The following CMC2 variants were observed in gnomAD, a reference collection of about 807,000 sequenced individuals.
CMC2 encodes C-X9-C motif containing 2.
Under a neutral mutation model 7.5 loss-of-function variants are expected in CMC2, and 5 were observed. That is an observed-to-expected ratio of 0.66 (90% CI 0.35 to 1.40). CMC2 has a LOEUF of 1.40. CMC2 is among the 40% of genes most tolerant of loss of function. The pLI, the probability that CMC2 is intolerant of heterozygous loss-of-function variation, is 0.04. For missense variants in CMC2, 115 were observed against 92.3 expected (o/e 1.25, Z -1.01); for synonymous variants, 37 against 31.4 (o/e 1.18, Z -0.60).
chr16:80,986,888 G>C (rs1967584253), intron 2 of CMC2, among the ~76,000 whole-genome samples: 1 of 152,236 alleles, frequency 6.6e-6, no homozygotes, highest in Admixed American at 6.5e-5. Context: ...ATACAGATTT[G>C]GGAGTTACTG....
intron 2 of CMC2, among the ~76,000 whole-genome samples, chr16:80,987,133 G>C (rs1274740929): frequency 6.6e-6 from 1 of 152,194 alleles, no homozygotes; most frequent in Non-Finnish European, 1.5e-5. Context: ...TGGGACCCTA[G>C]TGAGGGTAGA....
At chr16:80,990,106 C>CT (rs201685838) in intron 2 of CMC2, among the ~76,000 whole-genome samples, 1 of 76,026 alleles carries the variant, frequency 1.3e-5, no homozygotes, top group Admixed American at 1.3e-4. Flanking sequence ...CATTCCCTCC[C>CT]CTTTTTTTGA....
chr16:80,998,940 A>G (rs1968636276), intron 1 of CMC2: 3 of 88,760 alleles, frequency 3.4e-5, no homozygotes. Flanking sequence ...ACTGAAGAAC[A>G]TACCTCAAAA....
At chr16:80,988,774 G>A (rs756271888) in intron 2 of CMC2, among the ~76,000 whole-genome samples, 11 of 151,532 alleles carry the variant, frequency 7.3e-5, no homozygotes, top group Non-Finnish European at 1.2e-4. Context: ...ATCCAGGATT[G>A]CCATTGCATT....
Position 80,969,435 on chromosome 16 carries a change from G to C in CMC2, c.*6658C>G, listed in dbSNP as rs554902075. On this transcript the variant is annotated 3_prime_UTR_variant, in exon 4 of 4. Coordinates refer to ENST00000219400, the MANE Select transcript of CMC2 (RefSeq NM_020188.5). ...ACTGGGAAGGTTCTTGCCCACTTCA[G>C]TAAATGGGGCCCACAGGAAGGTCTG... The C allele has an allele frequency of 4.6e-5, 7 of 152,394 alleles. No individual in the cohort carries two copies. Among genetic ancestry groups the C allele is most frequent in the Non-Finnish European group, 7.3e-5 (5 of 68,080 alleles). 9.4% of individuals were successfully genotyped at this position (152,394 alleles called of 1,614,324 possible). A position where few individuals can be genotyped will look rare whatever the true frequency, so the allele number is the denominator to read the frequency against.
At chr16:80,979,779 C>T (rs1966979685) in intron 3 of CMC2, among the ~76,000 whole-genome samples, 1 of 151,284 alleles carries the variant, frequency 6.6e-6, no homozygotes, top group South Asian at 2.1e-4. Flanking sequence ...CGCCACCATG[C>T]CTGGCTAATT....
chr16:80,992,800 T>C (rs1032768242), intron 2 of CMC2, among the ~76,000 whole-genome samples: 1 of 151,260 alleles, frequency 6.6e-6, no homozygotes, highest in Non-Finnish European at 1.5e-5. Context: ...TAAGTGATCC[T>C]ACTACCTCAA....
chr16:81,001,536 T>C (rs569660560), intron 1 of CMC2, among the ~76,000 whole-genome samples: 7 of 152,264 alleles, frequency 4.6e-5, no homozygotes, highest in African/African-American at 1.2e-4. Context: ...ATTATGGAGA[T>C]GGACGGTGGT....
Position 80,969,181 on chromosome 16 carries a change from G to A in CMC2, c.*6912C>T, listed in dbSNP as rs1160327787. 6.6e-6 allele frequency: 1 copy of A among 152,182 alleles called. No homozygotes were observed. Among genetic ancestry groups the A allele is most frequent in the African/African-American group, 2.4e-5 (1 of 41,430 alleles). 9.4% of individuals were successfully genotyped at this position (152,182 alleles called of 1,614,324 possible). A position where few individuals can be genotyped will look rare whatever the true frequency, so the allele number is the denominator to read the frequency against. On this transcript the variant is annotated 3_prime_UTR_variant, in exon 4 of 4. Coordinates refer to ENST00000219400, the MANE Select transcript of CMC2 (RefSeq NM_020188.5). Reference sequence around the variant, plus strand: ...TATAAAAAGGGCAGGAGGAGAGACAGTATTTACAACAAAATTAGGTTAAAA... The same window carrying A: ...TATAAAAAGGGCAGGAGGAGAGACAATATTTACAACAAAATTAGGTTAAAA...
rs7185564 is a variant in CMC2, at chr16:80,967,582, G to A, written c.*8511C>T. The A allele has an allele frequency of 0.15, 23,224 of 152,112 alleles. 2,145 individuals carry two copies. Among genetic ancestry groups the A allele is most frequent in the African/African-American group, 0.27 (11,272 of 41,458 alleles). 9.4% of individuals were successfully genotyped at this position (152,112 alleles called of 1,614,324 possible). A position where few individuals can be genotyped will look rare whatever the true frequency, so the allele number is the denominator to read the frequency against. ...TCTCGATCTCCTGACCTCGTGATCC[G>A]CCCGCCTCGGCCTCCCAAAGTGCTG... On this transcript the variant is annotated 3_prime_UTR_variant, in exon 4 of 4. Coordinates refer to ENST00000219400, the MANE Select transcript of CMC2 (RefSeq NM_020188.5).
chr16:80,994,428 G>A (rs1968245681), intron 2 of CMC2, among the ~76,000 whole-genome samples: 1 of 8,412 alleles, frequency 1.2e-4, no homozygotes, highest in South Asian at 0.019. Flanking sequence ...CATCCTAAAG[G>A]AAGTAAAAAA....
rs1281621412 is a variant in CMC2, at chr16:80,966,844, T to C, written c.*9249A>G. 6.6e-6 allele frequency: 1 copy of C among 152,208 alleles called. No homozygotes were observed. The highest frequency in any genetic ancestry group is 1.5e-5 in the Non-Finnish European group (1 of 68,044). 9.4% of individuals were successfully genotyped at this position (152,208 alleles called of 1,614,324 possible). A position where few individuals can be genotyped will look rare whatever the true frequency, so the allele number is the denominator to read the frequency against. ...TCATACATACAGACACACGAAATCT[T>C]CATTCCTTTGTATAGATTCATGGTA... On this transcript the variant is annotated 3_prime_UTR_variant, in exon 4 of 4. Coordinates refer to ENST00000219400, the MANE Select transcript of CMC2 (RefSeq NM_020188.5).
chr16:80,976,240 G>A (rs2303215), intron 3 of CMC2, 61 bp from the exon 4 acceptor site: 1 of 878,778 alleles, frequency 1.1e-6, no homozygotes, highest in Non-Finnish European at 1.8e-6. Flanking sequence ...ATTTATAGCA[G>A]TTTACTATTT....
chr16:81,003,321 T>C (rs1394417009), intron 1 of CMC2, among the ~76,000 whole-genome samples: 2 of 152,246 alleles, frequency 1.3e-5, no homozygotes, highest in Non-Finnish European at 2.9e-5. Flanking sequence ...ATTCTTAAAA[T>C]TTCTTCAAAG....
At position 80,971,941 on chromosome 16, in the gene CMC2, T is replaced by G. The variant is rs1324991986; in HGVS notation, c.*4152A>C. The G allele has an allele frequency of 6.6e-6, 1 of 152,212 alleles. No homozygotes were observed. Among genetic ancestry groups the G allele is most frequent in the African/African-American group, 2.4e-5 (1 of 41,440 alleles). The allele number at this position is 152,212 out of a possible 1,614,324, so 9.4% of individuals were successfully genotyped here. A position where few individuals can be genotyped will look rare whatever the true frequency, so the allele number is the denominator to read the frequency against. On this transcript the variant is annotated 3_prime_UTR_variant, in exon 4 of 4. Coordinates refer to ENST00000219400, the MANE Select transcript of CMC2 (RefSeq NM_020188.5). ...CGTGGTATACACTCAGCCAGTTTCT[T>G]TTCTCTAAGTGAGAGAAACTCAGCC...
chr16:80,968,701 T>C lies in CMC2; in HGVS notation c.*7392A>G, dbSNP rs970350389. The C allele has an allele frequency of 2.0e-5, 3 of 152,062 alleles. No homozygotes were observed. The highest frequency in any genetic ancestry group is 7.2e-5 in the African/African-American group (3 of 41,420). The allele number at this position is 152,062 out of a possible 1,614,324, so 9.4% of individuals were successfully genotyped here. A position where few individuals can be genotyped will look rare whatever the true frequency, so the allele number is the denominator to read the frequency against. On this transcript the variant is annotated 3_prime_UTR_variant, in exon 4 of 4. Coordinates refer to ENST00000219400, the MANE Select transcript of CMC2 (RefSeq NM_020188.5). ...TAAAAAGCTATCTACAAATACTAGATAGCATATATCAAATATAGTTTTTAA... is the reference window on the plus strand; with the variant it reads ...TAAAAAGCTATCTACAAATACTAGACAGCATATATCAAATATAGTTTTTAA...
At chr16:80,993,646 T>C (rs1411886310) in intron 2 of CMC2, among the ~76,000 whole-genome samples, 1 of 152,192 alleles carries the variant, frequency 6.6e-6, no homozygotes, top group Admixed American at 6.5e-5. Flanking sequence ...TCATTGAATA[T>C]GCAAGTCAAT....
intron 1 of CMC2, among the ~76,000 whole-genome samples, chr16:81,003,350 G>A (rs1044572877): frequency 6.6e-6 from 1 of 152,158 alleles, no homozygotes; most frequent in Admixed American, 6.5e-5. Context: ...AGATATCAAC[G>A]TTATTAGTTT....
In CMC2 at chr16:80,982,225, C is replaced by T. The variant is rs148696165; in HGVS notation, c.82-348G>A. ...ATGTGTAAAACATGTAAATACTGGC[C>T]GGGCACGGTAGCTCACAACTGTAAA... On this transcript the variant is annotated intron_variant, in intron 2 of 3. Transcript: ENST00000219400. 29 of 165,862 alleles carry T rather than the reference C, an allele frequency of 1.7e-4. 1 individual carries two copies. Among genetic ancestry groups the T allele is most frequent in the South Asian group, 1.2e-3 (7 of 6,022 alleles). 10.3% of individuals were successfully genotyped at this position (165,862 alleles called of 1,614,324 possible).
Sources: allele counts gnomAD v4.1 joint callset (sites outside exome capture counted in the v4.1 genomes callset), GRCh38; gene constraint gnomAD v4.1.1; transcripts MANE v1.5; gene names NCBI Gene and HGNC (gene_info 2026-07-23, HGNC 2026-07-21).